SYNE2: variants seen among roughly 807,000 people sequenced by gnomAD.
SYNE2 encodes spectrin repeat containing nuclear envelope protein 2, also known as nesprin-2.
Under a neutral mutation model 856.3 loss-of-function variants are expected in SYNE2, and 431 were observed. The ratio of observed to expected loss-of-function variants is 0.50; its 90% CI spans 0.47 to 0.55. The LOEUF is 0.55. Among genes scored for constraint, SYNE2 ranks in the 20% least tolerant of loss-of-function variants. The probability of loss-of-function intolerance (pLI) is 0.00; values close to 1 mark genes in which losing one functional copy is unlikely to be tolerated. For missense variants in SYNE2, 8,129 were observed against 8,023.2 expected, an observed-to-expected ratio of 1.01 and a Z score of -0.50; for synonymous variants, 2,923 against 2,872.3, an observed-to-expected ratio of 1.02 and a Z score of -0.56.
intron 45 of SYNE2, among the ~76,000 whole-genome samples, chr14:64,035,303 C>A (rs901262388): frequency 1.3e-5 from 2 of 151,920 alleles, no homozygotes; most frequent in East Asian, 3.9e-4. Context: ...AGTTTTCAAT[C>A]CTGGGGTAAA....
chr14:63,891,776 G>A (rs1468914002), intron 1 of SYNE2, among the ~76,000 whole-genome samples: 1 of 152,052 alleles, frequency 6.6e-6, no homozygotes, highest in Non-Finnish European at 1.5e-5. Context: ...CTCTGTAAGG[G>A]AACACAGTTA....
At chr14:64,194,905 C>T (rs79719456) in intron 99 of SYNE2, among the ~76,000 whole-genome samples, 1 of 152,172 alleles carries the variant, frequency 6.6e-6, no homozygotes, top group South Asian at 2.1e-4. Flanking sequence ...CTATGCCTCC[C>T]CTTATTTTTA....
At chr14:63,914,557 G>A (rs373271511) in intron 2 of SYNE2, among the ~76,000 whole-genome samples, 9 of 152,260 alleles carry the variant, frequency 5.9e-5, no homozygotes, top group Non-Finnish European at 1.2e-4. Flanking sequence ...GGAAGTATTA[G>A]CAAATATCTG....
At position 64,070,652 on chromosome 14, in the gene SYNE2, G is replaced by A. The variant is rs775191844; in HGVS notation, c.10439G>A (p.Arg3480Gln). The change falls in exon 52 of 116, where the codon CGA becomes CAA. Residue 3480 changes from arginine to glutamine, a missense_variant. Transcript: ENST00000555002. ...TTTTGTTTTTTGAATTAGATTGAAC[G>A]AGAGGCAATTATTTTAGATAATCTT... Reference protein sequence around the residue: ...EWKFVSEEIEREAIILDNLQE... With the variant: ...EWKFVSEEIEQEAIILDNLQE... The A allele has an allele frequency of 3.7e-6, 6 of 1,612,992 alleles. No individual in the cohort carries two copies. The highest frequency in any genetic ancestry group is 1.3e-5 in the African/African-American group (1 of 74,952).
At chr14:64,216,515 T>C (rs2098667322) in intron 108 of SYNE2, 128 bp downstream of exon 108, 6 of 1,048,806 alleles carry the variant, frequency 5.7e-6, no homozygotes, top group South Asian at 2.6e-5. Flanking sequence ...GGTTTTCTTA[T>C]GGTGACAGTG....
At chr14:63,972,697 G>A (rs771787999) in intron 11 of SYNE2, among the ~76,000 whole-genome samples, 11 of 152,176 alleles carry the variant, frequency 7.2e-5, no homozygotes, top group Non-Finnish European at 1.5e-4. Flanking sequence ...GAAGAGGAAC[G>A]AAAGGTAAAC....
At chr14:64,041,657 T>C (rs901002480) in intron 45 of SYNE2, among the ~76,000 whole-genome samples, 6 of 151,986 alleles carry the variant, frequency 3.9e-5, no homozygotes, top group African/African-American at 1.2e-4. Context: ...CAGACCAGCC[T>C]GAGCAGCATA....
At chr14:64,174,722 G>A (rs1595991197) in intron 94 of SYNE2, among the ~76,000 whole-genome samples, 1 of 151,920 alleles carries the variant, frequency 6.6e-6, no homozygotes, top group Non-Finnish European at 1.5e-5. Context: ...ACCAATCTTT[G>A]GAAATTATTT....
At chr14:64,085,134 A>G in intron 57 of SYNE2, 9 of 629,552 alleles carry the variant, frequency 1.4e-5, no homozygotes, top group East Asian at 1.1e-4. Flanking sequence ...GTGCAGTGGC[A>G]CAATGTCGGC....
At chr14:64,086,695 T>C (rs1308812566) in intron 57 of SYNE2, among the ~76,000 whole-genome samples, 2 of 143,754 alleles carry the variant, frequency 1.4e-5, no homozygotes, top group African/African-American at 5.1e-5. Flanking sequence ...ATTTTCAGTA[T>C]GCAGGTCTTT....
chr14:64,027,444 T>C, intron 42 of SYNE2, 40 bp from the exon 43 acceptor site: 1 of 1,386,978 alleles, frequency 7.2e-7, no homozygotes, highest in South Asian at 1.3e-5. Context: ...TCCATTTTGC[T>C]AAATATCATT....
rs1053167325 is a variant in SYNE2 at position 64,102,120 on chromosome 14, T to C, written c.12492+78T>C. Reference sequence around the variant, plus strand: ...GCAGGGATCTCTTTCTGCACGACTTTCTTTCCCTACACCCCTGAGACGGAC... The same window carrying C: ...GCAGGGATCTCTTTCTGCACGACTTCCTTTCCCTACACCCCTGAGACGGAC... On this transcript the variant is annotated intron_variant, in intron 64 of 115. Transcript: ENST00000555002. 8.7e-6 allele frequency: 9 copies of C among 1,030,954 alleles called. No individual in the cohort carries two copies. The African/African-American group carries it at 1.1e-4, about 13-fold the overall frequency. 63.9% of individuals were successfully genotyped at this position (1,030,954 alleles called of 1,614,324 possible).
rs932903871 is a variant in SYNE2, at chr14:64,098,796, T to G, written c.12356T>G (p.Val4119Gly). ...MSYLAAVEEEVEESSVKSDNG... is the reference protein window; with the variant it reads ...MSYLAAVEEEGEESSVKSDNG... ...TACCTGGCAGCAGTCGAGGAAGAGGTGGAAGAAAGTTCCGTGAAGAGCGAT... is the reference window on the plus strand; with the variant it reads ...TACCTGGCAGCAGTCGAGGAAGAGGGGGAAGAAAGTTCCGTGAAGAGCGAT... The change falls in exon 63 of 116, where the codon GTG becomes GGG. Residue 4119 changes from valine to glycine, a missense_variant. By Grantham distance (109) the Val-to-Gly change is moderately radical. This residue lies in a region of SYNE2 where 5,410 missense variants were observed against 5,284.8 expected (regional missense o/e 1.02). Coordinates refer to ENST00000555002, the MANE Select transcript of SYNE2 (RefSeq NM_182914.3). 2.5e-5 allele frequency: 41 copies of G among 1,614,124 alleles called. No homozygotes were observed. The highest frequency in any genetic ancestry group is 3.5e-5 in the Non-Finnish European group (41 of 1,180,028).
intron 78 of SYNE2, among the ~76,000 whole-genome samples, chr14:64,136,656 G>C (rs551353610): frequency 2.0e-5 from 3 of 152,160 alleles, no homozygotes; most frequent in African/African-American, 7.2e-5. Flanking sequence ...TTTTCTTTCC[G>C]TGAAGTTGGA....
intron 68 of SYNE2, among the ~76,000 whole-genome samples, chr14:64,121,474 G>A (rs2097898003): frequency 6.6e-6 from 1 of 152,168 alleles, no homozygotes; most frequent in Non-Finnish European, 1.5e-5. Flanking sequence ...AGCGAGCTAA[G>A]ATCACACCAC....
rs549671135 is a variant in SYNE2, at chr14:64,117,058, G to C, written c.12841-2369G>C. Among the ~76,000 whole-genome samples the C allele has an allele frequency of 2.0e-5, 3 of 152,264 alleles. No homozygotes were observed. The South Asian group carries it at 6.2e-4, about 32-fold the overall frequency. ...AGTCCCACCTTTGTCTGTGGGGGTT[G>C]TGTTACAAGACCCCCAATGGATGCC... On this transcript the variant is annotated intron_variant, in intron 66 of 115. Coordinates refer to ENST00000555002, the MANE Select transcript of SYNE2 (RefSeq NM_182914.3).
intron 50 of SYNE2, among the ~76,000 whole-genome samples, chr14:64,064,972 C>A (rs2153591840): frequency 6.6e-6 from 1 of 151,526 alleles, no homozygotes; most frequent in Non-Finnish European, 1.5e-5. Context: ...TCAGTCAATT[C>A]TCCTGCTTCA....
At chr14:63,801,827 T>G (rs931343557) in intron 1 of SYNE2, among the ~76,000 whole-genome samples, 1 of 151,424 alleles carries the variant, frequency 6.6e-6, no homozygotes, top group Non-Finnish European at 1.5e-5. Flanking sequence ...TGAAAATTTT[T>G]AATTCATCTA....
chr14:64,027,847 G>T (rs2096992981), intron 43 of SYNE2, 54 bp downstream of exon 43: 2 of 1,310,924 alleles, frequency 1.5e-6, no homozygotes, highest in Non-Finnish European at 2.2e-6. Flanking sequence ...ACATAAGTAT[G>T]CAAGACATAT....
Sources: gnomAD v4.1 joint callset for allele counts (sites outside exome capture counted in the v4.1 genomes callset) on GRCh38, gnomAD v4.1.1 for gene constraint, gnomAD v4.1.1 regional missense constraint, MANE v1.5 for transcripts, NCBI Gene and HGNC (gene_info 2026-07-23, HGNC 2026-07-21) for gene names.